UBE2E2: variants seen among roughly 807,000 people sequenced by gnomAD.
The protein encoded by UBE2E2 is ubiquitin conjugating enzyme E2 E2.
Under a neutral mutation model 24.7 loss-of-function variants are expected in UBE2E2, and 6 were observed. The observed-to-expected ratio is 0.24, with a 90% CI of 0.13 to 0.48. The LOEUF (loss-of-function observed/expected upper bound fraction) is 0.48. Among genes scored for constraint, UBE2E2 ranks in the 20% least tolerant of loss-of-function variants. The pLI, the probability that UBE2E2 is intolerant of heterozygous loss-of-function variation, is 0.99. For missense variants in UBE2E2, 169 were observed against 245.0 expected (o/e 0.69, Z 2.07); for synonymous variants, 104 against 83.6 (o/e 1.24, Z -1.33).
At chr3:23,346,840 C>G (rs1019307546) in intron 3 of UBE2E2, among the ~76,000 whole-genome samples, 1 of 152,182 alleles carries the variant, frequency 6.6e-6, no homozygotes, top group South Asian at 2.1e-4. Context: ...ATGAAAACTT[C>G]TAATTCACCT....
intron 3 of UBE2E2, among the ~76,000 whole-genome samples, chr3:23,468,226 T>C (rs1698963910): frequency 6.6e-6 from 1 of 152,214 alleles, no homozygotes; most frequent in African/African-American, 2.4e-5. Context: ...TATTTCCCCC[T>C]TTATTTCAGT....
At chr3:23,333,994 G>A (rs1458400622) in intron 3 of UBE2E2, among the ~76,000 whole-genome samples, 2 of 152,068 alleles carry the variant, frequency 1.3e-5, no homozygotes, top group Non-Finnish European at 2.9e-5. Context: ...AGTTTCAGTT[G>A]TTGATGCATT....
At chr3:23,453,804 A>T (rs1486805976) in intron 3 of UBE2E2, among the ~76,000 whole-genome samples, 2 of 152,100 alleles carry the variant, frequency 1.3e-5, no homozygotes, top group Non-Finnish European at 2.9e-5. Context: ...GTATTTGTAC[A>T]TTGGCCAAGG....
chr3:23,231,649 C>A (rs1181449091), intron 3 of UBE2E2, among the ~76,000 whole-genome samples: 1 of 152,082 alleles, frequency 6.6e-6, no homozygotes, highest in East Asian at 1.9e-4. Context: ...AGGGCTTAGT[C>A]CCAAAAGATT....
intron 3 of UBE2E2, among the ~76,000 whole-genome samples, chr3:23,263,833 T>C (rs1428257240): frequency 6.6e-6 from 1 of 152,174 alleles, no homozygotes; most frequent in Non-Finnish European, 1.5e-5. Flanking sequence ...ATTCTTAGCA[T>C]GTTTATTATT....
At chr3:23,225,139 G>T (rs1486588760) in intron 3 of UBE2E2, among the ~76,000 whole-genome samples, 1 of 151,648 alleles carries the variant, frequency 6.6e-6, no homozygotes, top group Non-Finnish European at 1.5e-5. Context: ...TTAATGACTT[G>T]TCGTTTTATT....
chr3:23,261,923 G>A (rs1329793016), intron 3 of UBE2E2, among the ~76,000 whole-genome samples: 1 of 152,154 alleles, frequency 6.6e-6, no homozygotes, highest in Non-Finnish European at 1.5e-5. Context: ...TGTGAATAAT[G>A]CTGCAGTTAA....
intron 3 of UBE2E2, among the ~76,000 whole-genome samples, chr3:23,472,366 T>C (rs1699047994): frequency 6.6e-6 from 1 of 152,182 alleles, no homozygotes; most frequent in South Asian, 2.1e-4. Flanking sequence ...GAATAAGGAC[T>C]GGTGAAATTT....
At position 23,207,998 on chromosome 3, in the gene UBE2E2, C is replaced by T. The variant is rs372692828; in HGVS notation, c.-8-694C>T. Among the ~76,000 whole-genome samples, 26 of 152,218 alleles carry T rather than the reference C, an allele frequency of 1.7e-4. 1 individual carries two copies. The highest frequency in any genetic ancestry group is 4.8e-4 in the African/African-American group (20 of 41,558). On this transcript the variant is annotated intron_variant, in intron 1 of 5. Transcript: ENST00000396703. ...TAGCCGTCACTCTTCACTACTCTCC[C>T]CTCACTCCCTGGCAACCACTTACCC...
At chr3:23,291,078 A>AAAC (rs1221679582) in intron 3 of UBE2E2, among the ~76,000 whole-genome samples, 1 of 146,686 alleles carries the variant, frequency 6.8e-6, no homozygotes, top group African/African-American at 2.5e-5. Context: ...TTAAAAAAAA[A>AAAC]AAACAAAAAA....
At chr3:23,334,857 T>G (rs1289217429) in intron 3 of UBE2E2, among the ~76,000 whole-genome samples, 1 of 152,230 alleles carries the variant, frequency 6.6e-6, no homozygotes, top group African/African-American at 2.4e-5. Context: ...TGATCAGCTA[T>G]TGATATGTGA....
chr3:23,512,156 C>T (rs1038183168), intron 4 of UBE2E2, among the ~76,000 whole-genome samples: 6 of 149,584 alleles, frequency 4.0e-5, no homozygotes, highest in African/African-American at 1.5e-4. Context: ...CACAGTAATT[C>T]AGTTTTTTGC....
chr3:23,341,755 A>G (rs1281614266), intron 3 of UBE2E2, among the ~76,000 whole-genome samples: 1 of 151,828 alleles, frequency 6.6e-6, no homozygotes, highest in African/African-American at 2.4e-5. Context: ...TAGTGTAGTA[A>G]TTGATCAAAC....
chr3:23,362,518 C>G (rs1559361967), intron 3 of UBE2E2, among the ~76,000 whole-genome samples: 1 of 152,206 alleles, frequency 6.6e-6, no homozygotes, highest in Non-Finnish European at 1.5e-5. Context: ...CTGGATGAGG[C>G]TTGGTGTCAG....
At chr3:23,351,474 T>G (rs888199518) in intron 3 of UBE2E2, among the ~76,000 whole-genome samples, 1 of 152,346 alleles carries the variant, frequency 6.6e-6, no homozygotes, top group Non-Finnish European at 1.5e-5. Context: ...ATCAGTGTGC[T>G]GTATTCAGGA....
chr3:23,243,278 C>T (rs35613382), intron 3 of UBE2E2, among the ~76,000 whole-genome samples: 25,448 of 152,088 alleles, frequency 0.17, 2,256 homozygotes, highest in South Asian at 0.25. Context: ...AATACTACTA[C>T]TAATACCATT....
At position 23,476,361 on chromosome 3, in the gene UBE2E2, T is replaced by C. The variant is rs1450551028; in HGVS notation, c.228-23247T>C. Reference sequence around the variant, plus strand: ...GCTAGATACCCTAAGACTTATGAAATTGGCACTAAAGCACCATTAAGAGAT... The same window carrying C: ...GCTAGATACCCTAAGACTTATGAAACTGGCACTAAAGCACCATTAAGAGAT... On this transcript the variant is annotated intron_variant, in intron 3 of 5. Coordinates refer to ENST00000396703, the MANE Select transcript of UBE2E2 (RefSeq NM_152653.4). 2.0e-5 allele frequency among the ~76,000 whole-genome samples: 3 copies of C among 152,206 alleles called. No homozygotes were observed. The East Asian group carries it at 5.8e-4, about 29-fold the overall frequency.
intron 3 of UBE2E2, among the ~76,000 whole-genome samples, chr3:23,323,832 A>G (rs957702349): frequency 2.6e-5 from 4 of 151,966 alleles, no homozygotes; most frequent in Non-Finnish European, 5.9e-5. Context: ...GTGCTTTCTC[A>G]TAGCACTTTT....
intron 3 of UBE2E2, among the ~76,000 whole-genome samples, chr3:23,257,371 T>C (rs1697755132): frequency 6.6e-6 from 1 of 152,166 alleles, no homozygotes; most frequent in African/African-American, 2.4e-5. Flanking sequence ...ACTTTCCTTC[T>C]TATATTTCTG....
Sources: gnomAD v4.1 joint callset for allele counts (sites outside exome capture counted in the v4.1 genomes callset) on GRCh38, gnomAD v4.1.1 for gene constraint, MANE v1.5 for transcripts, NCBI Gene and HGNC (gene_info 2026-07-23, HGNC 2026-07-21) for gene names.